Variants in SOS1 observed in about 807,000 individuals in gnomAD.
SOS1 encodes SOS Ras/Rac guanine nucleotide exchange factor 1, also known as son of sevenless homolog 1.
A neutral mutation model predicts 157.6 loss-of-function variants in SOS1; 25 were observed. The observed-to-expected ratio is 0.16, with a 90% CI of 0.12 to 0.22. The LOEUF (loss-of-function observed/expected upper bound fraction) is 0.22, where lower values mean the gene tolerates loss of function less well. SOS1 is among the 10% of genes least tolerant of loss of function. SOS1 has a pLI of 1.00. For missense variants in SOS1, 1,237 were observed against 1,599.1 expected (o/e 0.77, Z 3.86); for synonymous variants, 528 against 534.0 (o/e 0.99, Z 0.16).
chr2:39,117,137 T>C (rs772235621), intron 1 of SOS1, among the ~76,000 whole-genome samples: 1 of 151,724 alleles, frequency 6.6e-6, no homozygotes, highest in South Asian at 2.1e-4. Flanking sequence ...CAAGCTATTC[T>C]CCTGCCTCAG....
At chr2:38,986,952 T>C (rs965896203) in intron 22 of SOS1, among the ~76,000 whole-genome samples, 5 of 150,700 alleles carry the variant, frequency 3.3e-5, no homozygotes, top group Non-Finnish European at 5.9e-5. Context: ...TGAATTAAGT[T>C]TAACAGCTGG....
intron 10 of SOS1, among the ~76,000 whole-genome samples, chr2:39,021,996 T>C (rs918972643): frequency 1.3e-4 from 19 of 151,778 alleles, no homozygotes; most frequent in African/African-American, 4.6e-4. Flanking sequence ...ACATTTCCTA[T>C]GATTTTTTAA....
At chr2:39,116,188 A>AAAG (rs1553372607) in intron 1 of SOS1, among the ~76,000 whole-genome samples, 1 of 154 alleles carries the variant, frequency 6.5e-3, no homozygotes, top group Admixed American at 0.12. Context: ...AATAACCCAA[A>AAAG]CTTTTAAGTC....
chr2:39,063,709 T>C (rs1671491442), intron 2 of SOS1, among the ~76,000 whole-genome samples: 1 of 152,250 alleles, frequency 6.6e-6, no homozygotes. Context: ...CCTAAAACTA[T>C]ACAGCAACTA....
chr2:39,017,401 TA>T (rs955165569), intron 10 of SOS1, among the ~76,000 whole-genome samples: 1 of 152,042 alleles, frequency 6.6e-6, no homozygotes, highest in African/African-American at 2.4e-5. Flanking sequence ...ACTGAAAAAT[TA>T]GCAGTCTAAT....
rs898380000 is a variant in SOS1 at position 38,990,772 on chromosome 2, A to G, written c.3347-1458T>C. ...AACTTGGCTTTGAGTATATTTATAT[A>G]TAGCACAGGCTTAGACTCATGCATT... is the stretch of plus-strand genomic sequence containing the variant. On this transcript the variant is annotated intron_variant, in intron 20 of 22. Coordinates refer to ENST00000402219, the MANE Select transcript of SOS1 (RefSeq NM_005633.4). 3.9e-5 allele frequency among the ~76,000 whole-genome samples: 6 copies of G among 152,180 alleles called. 1 individual carries two copies. The highest frequency in any genetic ancestry group is 4.1e-4 in the South Asian group (2 of 4,830).
intron 14 of SOS1, among the ~76,000 whole-genome samples, chr2:39,011,044 C>T (rs1334367407): frequency 1.3e-5 from 2 of 151,612 alleles, no homozygotes; most frequent in Non-Finnish European, 1.5e-5. Context: ...TACAGGCGCC[C>T]GTCATCATGC....
upstream of SOS1, among the ~76,000 whole-genome samples, chr2:39,121,257 G>C (rs1320489524): frequency 2.6e-5 from 4 of 152,168 alleles, no homozygotes; most frequent in Non-Finnish European, 5.9e-5. Flanking sequence ...GGTGGGTGAT[G>C]ACTAGGGTAA....
intron 10 of SOS1, among the ~76,000 whole-genome samples, chr2:39,016,201 A>C (rs1364536981): frequency 6.6e-6 from 1 of 152,084 alleles, no homozygotes; most frequent in Non-Finnish European, 1.5e-5. Flanking sequence ...ATAATAACTG[A>C]TTTAAATATC....
At chr2:39,022,300 C>T (rs1026065842) in intron 10 of SOS1, among the ~76,000 whole-genome samples, 3 of 151,796 alleles carry the variant, frequency 2.0e-5, no homozygotes, top group Non-Finnish European at 4.4e-5. Flanking sequence ...TAACTTTAGT[C>T]TTGTTTCTGT....
intron 20 of SOS1, chr2:38,993,107 CTCCA>C (rs1225128793): frequency 6.6e-6 from 1 of 150,746 alleles, no homozygotes; most frequent in African/African-American, 2.4e-5. Context: ...AAAAAAAAGA[CTCCA>C]TGACCTTCAG....
intron 2 of SOS1, among the ~76,000 whole-genome samples, chr2:39,062,551 T>G (rs1321200589): frequency 6.7e-6 from 1 of 149,358 alleles, no homozygotes; most frequent in Admixed American, 6.6e-5. Context: ...GTTTTACATT[T>G]TACGATGAAG....
intron 6 of SOS1, among the ~76,000 whole-genome samples, chr2:39,045,528 T>C (rs1208013292): frequency 6.6e-6 from 1 of 152,190 alleles, no homozygotes; most frequent in Non-Finnish European, 1.5e-5. Context: ...TAGGAAGTGT[T>C]TCTCTTTTTT....
intron 8 of SOS1, among the ~76,000 whole-genome samples, 181 bp downstream of exon 8, chr2:39,035,031 T>C (rs1336965520): frequency 2.0e-5 from 3 of 152,060 alleles, no homozygotes; most frequent in Non-Finnish European, 4.4e-5. Flanking sequence ...TAAAATTCAC[T>C]ACTAAGACGA....
Position 39,058,791 on chromosome 2 carries a change from T to C in SOS1, c.227A>G (p.Lys76Arg). The C allele has an allele frequency of 6.2e-7, 1 of 1,612,186 alleles. No individual in the cohort carries two copies. Among genetic ancestry groups the C allele is most frequent in the African/African-American group, 1.3e-5 (1 of 75,006 alleles). The change falls in exon 3 of 23, where the codon AAA becomes AGA. Residue 76 changes from lysine (K) to arginine (R), a missense_variant. By Grantham distance (26) the Lys-to-Arg change is conservative. This residue lies in a region of SOS1 where 19 missense variants were observed against 39.4 expected (regional missense o/e 0.48). Transcript: ENST00000402219. ...TTTATCAATTGGATGAGGGAAACTTTTTTGAACACGTTCCTTGGAAAATAG... is the reference window on the plus strand; with the variant it reads ...TTTATCAATTGGATGAGGGAAACTTCTTTGAACACGTTCCTTGGAAAATAG... ...SASDVEERVQ[K>R]SFPHPIDKWA...
chr2:39,079,017 G>C (rs571824451), intron 1 of SOS1, among the ~76,000 whole-genome samples: 3 of 139,828 alleles, frequency 2.1e-5, no homozygotes, highest in Non-Finnish European at 4.5e-5. Context: ...CCAAGATTGC[G>C]CCACTGCACT....
At chr2:39,022,480 T>C in intron 10 of SOS1, 90 bp downstream of exon 10, 1 of 998,384 alleles carries the variant, frequency 1.0e-6, no homozygotes, top group Non-Finnish European at 1.6e-6. Context: ...GTTAGTTTCT[T>C]TTCTATTTTA....
intron 17 of SOS1, among the ~76,000 whole-genome samples, chr2:39,005,749 A>G (rs922565874): frequency 7.2e-5 from 11 of 151,852 alleles, no homozygotes; most frequent in African/African-American, 2.4e-4. Flanking sequence ...AGCACATACT[A>G]AAGAGACTAT....
chr2:38,998,283 T>C (rs1272502687), intron 17 of SOS1, among the ~76,000 whole-genome samples: 1 of 152,104 alleles, frequency 6.6e-6, no homozygotes, highest in Non-Finnish European at 1.5e-5. Flanking sequence ...GGAGTCTCAC[T>C]CTGTCTCCCA....
Sources: allele counts gnomAD v4.1 joint callset (sites outside exome capture counted in the v4.1 genomes callset), GRCh38; gene constraint gnomAD v4.1.1; regional missense constraint gnomAD v4.1.1; transcripts MANE v1.5; gene names NCBI Gene and HGNC (gene_info 2026-07-23, HGNC 2026-07-21).